The following MEAK7 variants were observed in gnomAD, a reference collection of about 807,000 sequenced individuals.
MEAK7 encodes MTOR-associated protein MEAK7.
Under a neutral mutation model 40.5 loss-of-function variants are expected in MEAK7, and 68 were observed. The observed-to-expected ratio is 1.68, with a 90% CI of 1.38 to 2.06. MEAK7 has a LOEUF of 2.06. Among genes scored for constraint, MEAK7 ranks in the 30% most tolerant of loss-of-function variants. The probability of loss-of-function intolerance (pLI) is 0.00; values close to 1 mark genes in which losing one functional copy is unlikely to be tolerated. For synonymous variants in MEAK7, 338 were observed against 231.9 expected (o/e 1.46, Z -4.16); for missense variants, 918 against 580.5 (o/e 1.58, Z -5.98).
chr16:84,480,696 G>GC lies in MEAK7; in HGVS notation c.1089dup (p.Gln364AlafsTer12), dbSNP rs549073767. On this transcript the variant is annotated frameshift_variant, in exon 7 of 8. Coordinates refer to ENST00000343629, the MANE Select transcript of MEAK7 (RefSeq NM_020947.4). LOFTEE classifies it high-confidence loss of function. ...ACCCAAAGCCCAAAGTAATTGTGCT[G>GC]CCCCCCCATACCCTGCAAAGGAAGC... 1.3e-4 allele frequency: 205 copies of GC among 1,612,464 alleles called. 1 individual carries two copies. Among genetic ancestry groups the GC allele is most frequent in the East Asian group, 1.1e-3 (51 of 44,806 alleles).
chr16:84,495,455 C>T, intron 3 of MEAK7: 1 of 558,282 alleles, frequency 1.8e-6, no homozygotes, highest in Non-Finnish European at 3.2e-6. Context: ...CTGCAGTCTG[C>T]TTTTCCGCTT....
chr16:84,486,182 A>G (rs1913038476), intron 5 of MEAK7: 1 of 157,020 alleles, frequency 6.4e-6, no homozygotes. Flanking sequence ...CCTTGAGGGA[A>G]GGAAAAGAAT....
Position 84,479,956 on chromosome 16 carries a change from G to T in MEAK7, c.1328C>A (p.Ser443Ter), listed in dbSNP as rs34628943. Residue 443 changes from serine to a stop codon, truncating the protein, a stop_gained, in exon 8 of 8, where the codon TCG (serine) becomes TAG (stop). Transcript: ENST00000343629. LOFTEE classifies it high-confidence loss of function. Reference protein sequence around the residue: ...AQALLEISGHSRHSEGLREVP... With the variant: ...AQALLEISGH Reference sequence around the variant, plus strand: ...TTCCCGGAGCCCTTCGCTGTGGCGCGAATGCCCACTGATCTCCAGCAGGGC... The same window carrying T: ...TTCCCGGAGCCCTTCGCTGTGGCGCTAATGCCCACTGATCTCCAGCAGGGC... 6.2e-7 allele frequency: 1 copy of T among 1,609,750 alleles called. No individual in the cohort carries two copies. The highest frequency in any genetic ancestry group is 8.5e-7 in the Non-Finnish European group (1 of 1,177,018).
At chr16:84,488,893 A>T (rs563139076) in intron 4 of MEAK7, among the ~76,000 whole-genome samples, 3 of 152,328 alleles carry the variant, frequency 2.0e-5, no homozygotes, top group Admixed American at 2.0e-4. Context: ...AAAGAAGACC[A>T]AACAAATTTA....
chr16:84,480,699 C>G lies in MEAK7; in HGVS notation c.1087G>C (p.Gly363Arg), dbSNP rs185660005. 386 of 1,611,572 alleles carry G rather than the reference C, an allele frequency of 2.4e-4. 3 individuals carry two copies. In the East Asian group the frequency reaches 7.5e-3, roughly 32 times the overall value. ...CAAAGCCCAAAGTAATTGTGCTGCCCCCCCATACCCTGCAAAGGAAGCCAG... is the reference window on the plus strand; with the variant it reads ...CAAAGCCCAAAGTAATTGTGCTGCCGCCCCATACCCTGCAAAGGAAGCCAG... ...QTIPNGLGMG[G>R]QHNYFGLWVD... The change falls in exon 7 of 8, where the codon GGG (glycine) becomes CGG (arginine). Residue 363 changes from glycine to arginine, a missense_variant. Transcript: ENST00000343629.
intron 5 of MEAK7, among the ~76,000 whole-genome samples, chr16:84,484,951 A>G (rs1404720746): frequency 6.6e-6 from 1 of 152,246 alleles, no homozygotes; most frequent in East Asian, 1.9e-4. Flanking sequence ...AAGAGCCAGC[A>G]GAGTCCATCT....
intron 1 of MEAK7, among the ~76,000 whole-genome samples, chr16:84,503,806 C>A (rs752063768): frequency 3.5e-4 from 54 of 152,218 alleles, no homozygotes; most frequent in Non-Finnish European, 7.1e-4. Context: ...CCCCAAGGTT[C>A]CCACTAGTAT....
chr16:84,500,829 C>G (rs1914436886), intron 1 of MEAK7, among the ~76,000 whole-genome samples: 1 of 152,098 alleles, frequency 6.6e-6, no homozygotes, highest in Non-Finnish European at 1.5e-5. Flanking sequence ...GCAGACCCAC[C>G]CTCTGCATCA....
chr16:84,479,925 C>G lies in MEAK7; in HGVS notation c.1359G>C (p.Pro453=). Residue 453 remains proline, a synonymous_variant, in exon 8 of 8, where the codon CCG becomes CCC. Coordinates refer to ENST00000343629, the MANE Select transcript of MEAK7 (RefSeq NM_020947.4). ...CTCAGGCGGCTCCTCATTCATCGTCCGGGACTTCCCGGAGCCCTTCGCTGT... is the reference window on the plus strand; with the variant it reads ...CTCAGGCGGCTCCTCATTCATCGTCGGGGACTTCCCGGAGCCCTTCGCTGT... ...SRHSEGLREV[P]DDE is the part of the protein sequence containing the mutation. The G allele has an allele frequency of 1.2e-6, 2 of 1,603,558 alleles. No homozygotes were observed. The highest frequency in any genetic ancestry group is 1.7e-6 in the Non-Finnish European group (2 of 1,172,532).
Position 84,498,096 on chromosome 16 carries a change from T to C in MEAK7, c.-10A>G, listed in dbSNP as rs1567505033. On this transcript the variant is annotated 5_prime_UTR_variant, in exon 2 of 8. It adds an upstream start codon to the 5' untranslated region. Coordinates refer to ENST00000343629, the MANE Select transcript of MEAK7 (RefSeq NM_020947.4). ...TTCTGCTGTTCCCCATCTGTCCTGATATCTGGCAGAATTCTCTGCAGAAGG... is the reference window on the plus strand; with the variant it reads ...TTCTGCTGTTCCCCATCTGTCCTGACATCTGGCAGAATTCTCTGCAGAAGG... The C allele has an allele frequency of 6.3e-7, 1 of 1,575,830 alleles. No homozygotes were observed. Among genetic ancestry groups the C allele is most frequent in the African/African-American group, 1.4e-5 (1 of 73,210 alleles).
At position 84,495,667 on chromosome 16, in the gene MEAK7, C is replaced by T. The variant is rs369272173; in HGVS notation, c.384+16G>A. 1 of 1,613,048 alleles carries T rather than the reference C, an allele frequency of 6.2e-7. No individual in the cohort carries two copies. Among genetic ancestry groups the T allele is most frequent in the Non-Finnish European group, 8.5e-7 (1 of 1,179,078 alleles). ...GACTGCTGAGGAGGCTGCAAAGGAC[C>T]TCGCGGCCTCACTACCTTTTGGACT... On this transcript the variant is annotated intron_variant, in intron 3 of 7. Coordinates refer to ENST00000343629, the MANE Select transcript of MEAK7 (RefSeq NM_020947.4).
At chr16:84,501,350 G>A (rs568176503) in intron 1 of MEAK7, among the ~76,000 whole-genome samples, 2 of 152,094 alleles carry the variant, frequency 1.3e-5, no homozygotes, top group South Asian at 2.1e-4. Context: ...GCAGCAGAGG[G>A]CTGCAGCAGA....
intron 5 of MEAK7, among the ~76,000 whole-genome samples, chr16:84,482,978 G>C (rs1421852496): frequency 6.6e-6 from 1 of 152,192 alleles, no homozygotes; most frequent in Non-Finnish European, 1.5e-5. Context: ...TCTGCCCACT[G>C]TCTGCTGGAA....
chr16:84,486,595 G>T, intron 5 of MEAK7, 36 bp downstream of exon 5: 1 of 1,558,506 alleles, frequency 6.4e-7, no homozygotes, highest in East Asian at 2.2e-5. Flanking sequence ...TGCCCGTGCT[G>T]TGCCACTCGT....
intron 1 of MEAK7, 110 bp downstream of exon 1, chr16:84,504,491 G>C (rs1056984316): frequency 5.8e-6 from 4 of 688,040 alleles, no homozygotes; most frequent in Admixed American, 6.3e-5. Context: ...TGGGAGGCCA[G>C]GGAGGGGCAG....
intron 3 of MEAK7, among the ~76,000 whole-genome samples, chr16:84,493,017 G>T (rs577759323): frequency 1.3e-5 from 2 of 152,168 alleles, no homozygotes; most frequent in Middle Eastern, 3.2e-3. Context: ...GGCTTACTTG[G>T]TATAATACAA....
chr16:84,490,887 C>G (rs962693891), intron 3 of MEAK7, among the ~76,000 whole-genome samples: 6 of 152,086 alleles, frequency 3.9e-5, no homozygotes, highest in African/African-American at 1.4e-4. Context: ...TTAAAGAAAA[C>G]AGAGAAGGTG....
In MEAK7 at chr16:84,480,708, C is replaced by A. The variant is rs753772971; in HGVS notation, c.1078G>T (p.Gly360Cys). ...HGQQTIPNGL[G>C]MGGQHNYFGL... ...AAGTAATTGTGCTGCCCCCCCATAC[C>A]CTGCAAAGGAAGCCAGGACAGAGAA... The change falls in exon 7 of 8, where the codon GGT becomes TGT. Residue 360 changes from glycine (G) to cysteine (C), a missense_variant and splice_region_variant. Physicochemically the swap from Gly to Cys is radical, Grantham distance 159 (BLOSUM62 -3). Coordinates refer to ENST00000343629, the MANE Select transcript of MEAK7 (RefSeq NM_020947.4). The A allele has an allele frequency of 6.2e-7, 1 of 1,609,556 alleles. No individual in the cohort carries two copies. The highest frequency in any genetic ancestry group is 8.5e-7 in the Non-Finnish European group (1 of 1,177,758).
intron 1 of MEAK7, among the ~76,000 whole-genome samples, chr16:84,499,096 G>A (rs189836145): frequency 1.9e-3 from 293 of 152,292 alleles, no homozygotes; most frequent in Non-Finnish European, 2.5e-3. Context: ...TGTTTGAGGC[G>A]CTGGGGTAGC....
Sources: allele counts gnomAD v4.1 joint callset (sites outside exome capture counted in the v4.1 genomes callset), GRCh38; gene constraint gnomAD v4.1.1; transcripts MANE v1.5; gene names NCBI Gene and HGNC (gene_info 2026-07-23, HGNC 2026-07-21).